Variants in ZNF385D observed in about 807,000 individuals in gnomAD.
ZNF385D encodes zinc finger protein 659.
A neutral mutation model predicts 35.8 loss-of-function variants in ZNF385D; 15 were observed. The ratio of observed to expected loss-of-function variants is 0.42; its 90% CI spans 0.28 to 0.64. The LOEUF (loss-of-function observed/expected upper bound fraction) is 0.64. ZNF385D is among the 30% of genes least tolerant of loss of function. ZNF385D has a pLI of 0.23. For missense variants in ZNF385D, 474 were observed against 494.6 expected (o/e 0.96, Z 0.39); for synonymous variants, 212 against 186.8 (o/e 1.13, Z -1.10).
chr3:22,048,610 G>A (rs1166658670), intron 3 of ZNF385D, among the ~76,000 whole-genome samples: 1 of 152,136 alleles, frequency 6.6e-6, no homozygotes. Context: ...CTATGTGTCT[G>A]TTTTTGTAAC....
At chr3:22,037,571 T>G (rs566974888) in intron 3 of ZNF385D, among the ~76,000 whole-genome samples, 3 of 152,290 alleles carry the variant, frequency 2.0e-5, no homozygotes, top group African/African-American at 7.2e-5. Flanking sequence ...TTTTTTCTTG[T>G]AAATTTGTTG....
chr3:22,000,518 G>T (rs542114999), intron 3 of ZNF385D, among the ~76,000 whole-genome samples: 7 of 151,904 alleles, frequency 4.6e-5, no homozygotes, highest in African/African-American at 1.7e-4. Flanking sequence ...CATAAAAATG[G>T]GCAACCAACA....
intron 2 of ZNF385D, among the ~76,000 whole-genome samples, chr3:22,255,279 C>CG (rs1463617210): frequency 1.0e-3 from 152 of 151,482 alleles, no homozygotes; most frequent in Non-Finnish European, 1.8e-3. Flanking sequence ...ATTCCCCCCC[C>CG]CAAAATTGTG....
At chr3:21,886,685 T>C (rs1252462767) in intron 3 of ZNF385D, among the ~76,000 whole-genome samples, 1 of 152,160 alleles carries the variant, frequency 6.6e-6, no homozygotes, top group Non-Finnish European at 1.5e-5. Context: ...AGACAGCTGA[T>C]ATATATTTAT....
At chr3:21,571,166 G>A (rs1298820269) in intron 2 of ZNF385D, among the ~76,000 whole-genome samples, 3 of 152,162 alleles carry the variant, frequency 2.0e-5, no homozygotes, top group African/African-American at 4.8e-5. Context: ...TACTTGGCAA[G>A]TCAATTATGA....
intron 2 of ZNF385D, among the ~76,000 whole-genome samples, chr3:21,571,215 C>G (rs983300469): frequency 1.3e-5 from 2 of 152,166 alleles, no homozygotes; most frequent in African/African-American, 2.4e-5. Context: ...TTTTGCACTT[C>G]ATAAAAATAT....
intron 3 of ZNF385D, among the ~76,000 whole-genome samples, chr3:22,067,166 T>C (rs2125554654): frequency 6.7e-6 from 1 of 148,864 alleles, no homozygotes; most frequent in African/African-American, 2.6e-5. Context: ...TGCTTGTGTC[T>C]CTGTTTTATT....
At chr3:21,895,554 T>G (rs541514552) in intron 3 of ZNF385D, among the ~76,000 whole-genome samples, 1,731 of 150,244 alleles carry the variant, frequency 0.012, 31 homozygotes, top group African/African-American at 0.04. Flanking sequence ...TTGGCCAGGC[T>G]GGTCTCAAAC....
At chr3:21,899,455 C>G (rs185740906) in intron 3 of ZNF385D, among the ~76,000 whole-genome samples, 29 of 152,210 alleles carry the variant, frequency 1.9e-4, no homozygotes, top group African/African-American at 7.0e-4. Context: ...TTACTGGTCC[C>G]CATTCCCAGA....
chr3:21,909,640 C>G (rs940646237), intron 3 of ZNF385D, among the ~76,000 whole-genome samples: 2 of 152,106 alleles, frequency 1.3e-5, no homozygotes, highest in Middle Eastern at 3.4e-3. Flanking sequence ...CAAACCCATT[C>G]CTCTTGGATA....
chr3:22,265,368 T>G (rs1306709699), intron 2 of ZNF385D, among the ~76,000 whole-genome samples: 1 of 152,004 alleles, frequency 6.6e-6, no homozygotes, highest in African/African-American at 2.4e-5. Flanking sequence ...GCGATCATCA[T>G]GAAATTACAA....
chr3:21,723,605 G>T (rs1469190997), intron 1 of ZNF385D, among the ~76,000 whole-genome samples: 2 of 152,124 alleles, frequency 1.3e-5, no homozygotes, highest in African/African-American at 4.8e-5. Context: ...AGAGAAAAAA[G>T]AATAAGAAGG....
At chr3:21,881,543 C>G (rs1698276022) in intron 3 of ZNF385D, among the ~76,000 whole-genome samples, 1 of 151,986 alleles carries the variant, frequency 6.6e-6, no homozygotes, top group African/African-American at 2.4e-5. Flanking sequence ...ACTGGCCACC[C>G]AAGAGCTTTA....
At chr3:21,659,992 G>A (rs1177129154) in intron 2 of ZNF385D, among the ~76,000 whole-genome samples, 1 of 151,962 alleles carries the variant, frequency 6.6e-6, no homozygotes, top group Non-Finnish European at 1.5e-5. Context: ...GTCCTCCAAT[G>A]GATAAAACTC....
At chr3:21,927,871 A>C (rs1700808268) in intron 3 of ZNF385D, among the ~76,000 whole-genome samples, 1 of 152,194 alleles carries the variant, frequency 6.6e-6, no homozygotes, top group Non-Finnish European at 1.5e-5. Flanking sequence ...TGCAGACATC[A>C]ATATACCACT....
chr3:21,968,081 G>C (rs936383851), intron 3 of ZNF385D, among the ~76,000 whole-genome samples: 2 of 152,168 alleles, frequency 1.3e-5, no homozygotes, highest in Admixed American at 6.5e-5. Flanking sequence ...ACGGTGCAGA[G>C]AGAGTATCCA....
chr3:21,443,725 C>A (rs1019771036), intron 4 of ZNF385D, among the ~76,000 whole-genome samples: 2 of 152,182 alleles, frequency 1.3e-5, no homozygotes, highest in Non-Finnish European at 2.9e-5. Flanking sequence ...TAGTAGCCTG[C>A]ATGAAACTCT....
Position 21,425,530 on chromosome 3 carries a change from A to G in ZNF385D, c.814T>C (p.Cys272Arg). ...GTTTCCGAGTTGACGTGCACATCAC[A>G]GATTTCACAGTGAAATGTTTTATTT... ...LQNKTFHCEI[C>R]DVHVNSETQL... Residue 272 changes from cysteine to arginine, a missense_variant, in exon 6 of 8, where the codon TGT becomes CGT. By Grantham distance (180) the Cys-to-Arg change is radical (BLOSUM62 -3). Transcript: ENST00000281523. 1 of 1,610,996 alleles carries G rather than the reference A, an allele frequency of 6.2e-7. No individual in the cohort carries two copies. The highest frequency in any genetic ancestry group is 8.5e-7 in the Non-Finnish European group (1 of 1,178,548).
intron 2 of ZNF385D, among the ~76,000 whole-genome samples, chr3:22,203,419 G>A (rs551165806): frequency 6.3e-4 from 96 of 152,216 alleles, no homozygotes; most frequent in African/African-American, 2.2e-3. Flanking sequence ...GGGCTATACC[G>A]GCTTCAAAGT....
Sources: allele counts gnomAD v4.1 joint callset (sites outside exome capture counted in the v4.1 genomes callset), GRCh38; gene constraint gnomAD v4.1.1; transcripts MANE v1.5; gene names NCBI Gene and HGNC (gene_info 2026-07-23, HGNC 2026-07-21).